KCNIP4: variants seen among roughly 807,000 people sequenced by gnomAD.
KCNIP4 encodes the protein Kv channel-interacting protein 4.
Under a neutral mutation model 34.0 loss-of-function variants are expected in KCNIP4, and 12 were observed. The observed-to-expected ratio is 0.35, with a 90% CI of 0.23 to 0.57. The LOEUF is 0.57. Ranked by LOEUF, KCNIP4 falls within the 20% of genes least tolerant of loss-of-function variation. The probability of loss-of-function intolerance (pLI) is 0.83; values close to 1 mark genes in which losing one functional copy is unlikely to be tolerated. For missense variants in KCNIP4, 238 were observed against 311.7 expected (o/e 0.76, Z 1.78); for synonymous variants, 124 against 102.2 (o/e 1.21, Z -1.29).
At chr4:21,173,390 G>A (rs1754158702) in intron 1 of KCNIP4, among the ~76,000 whole-genome samples, 1 of 152,190 alleles carries the variant, frequency 6.6e-6, no homozygotes, top group Middle Eastern at 3.4e-3. Flanking sequence ...TGAGCATATA[G>A]AGGCAGACCT....
intron 1 of KCNIP4, among the ~76,000 whole-genome samples, chr4:21,018,646 C>T (rs565942097): frequency 1.2e-3 from 176 of 152,244 alleles, no homozygotes; most frequent in African/African-American, 3.7e-3. Context: ...ACCAACTTCC[C>T]TTCCCCCTCT....
At position 21,567,328 on chromosome 4, in the gene KCNIP4, A is replaced by G. The variant is rs983610237; in HGVS notation, c.61+381243T>C. ...TGAAGCTAGGGGTGGCCAATGAGAT[A>G]TGAATGGAAGCCACTGGCTGATGTA... On this transcript the variant is annotated intron_variant, in intron 1 of 8. Transcript: ENST00000382152. Among the ~76,000 whole-genome samples, 5 of 151,990 alleles carry G rather than the reference A, an allele frequency of 3.3e-5. No homozygotes were observed. In the East Asian group the frequency reaches 9.7e-4, roughly 29 times the overall value.
rs79202016 is a variant in KCNIP4, at chr4:21,139,547, G to A, written c.62-256838C>T. On this transcript the variant is annotated intron_variant, in intron 1 of 8. Transcript: ENST00000382152. ...CAGCTCCTCAGGGATGGCTTCAGCT[G>A]TAGACGATTATCTTGCTGTGATCAC... 7.5e-4 allele frequency among the ~76,000 whole-genome samples: 114 copies of A among 152,262 alleles called. No homozygotes were observed. In the East Asian group the frequency reaches 0.021, roughly 28 times the overall value.
intron 1 of KCNIP4, among the ~76,000 whole-genome samples, chr4:20,965,452 G>A (rs1560606842): frequency 6.6e-6 from 1 of 152,108 alleles, no homozygotes; most frequent in Non-Finnish European, 1.5e-5. Context: ...AAGGTCTCAG[G>A]CCAGGCCTTC....
intron 1 of KCNIP4, among the ~76,000 whole-genome samples, chr4:21,346,254 T>G (rs868535759): frequency 8.1e-4 from 87 of 107,856 alleles, no homozygotes; most frequent in Middle Eastern, 4.1e-3. Flanking sequence ...ATTATATATA[T>G]AATTCTATAT....
At chr4:21,418,920 A>G (rs2109618320) in intron 1 of KCNIP4, among the ~76,000 whole-genome samples, 1 of 152,326 alleles carries the variant, frequency 6.6e-6, no homozygotes, top group African/African-American at 2.4e-5. Flanking sequence ...TGTAAAGTAG[A>G]ATGAGATTAT....
intron 1 of KCNIP4, among the ~76,000 whole-genome samples, chr4:21,487,366 G>A (rs1178105761): frequency 6.6e-6 from 1 of 152,150 alleles, no homozygotes; most frequent in East Asian, 1.9e-4. Flanking sequence ...GAAGATGAAT[G>A]CAGAAGAAAA....
chr4:21,483,329 T>C (rs1008332471), intron 1 of KCNIP4, among the ~76,000 whole-genome samples: 1 of 152,100 alleles, frequency 6.6e-6, no homozygotes, highest in African/African-American at 2.4e-5. Context: ...TTTGTTAATA[T>C]GGTTTGGATC....
In KCNIP4 at chr4:20,729,432, A is replaced by ATAAGTTTTATTAGGCATAT. The variant is rs1747211098; in HGVS notation, c.*631_*649dup. The ATAAGTTTTATTAGGCATAT allele has an allele frequency of 6.6e-6, 1 of 151,782 alleles. No homozygotes were observed. The highest frequency in any genetic ancestry group is 2.4e-5 in the African/African-American group (1 of 41,190). The allele number at this position is 151,782 out of a possible 1,614,324, so 9.4% of individuals were successfully genotyped here. On this transcript the variant is annotated 3_prime_UTR_variant, in exon 9 of 9. Transcript: ENST00000382152. Reference sequence around the variant, plus strand: ...TATGGAAAATTAAATGCTTATTAAAATAAGTTTTATTAGGCATATGCTGAT... The same window carrying ATAAGTTTTATTAGGCATAT: ...TATGGAAAATTAAATGCTTATTAAAATAAGTTTTATTAGGCATATTAAGTTTTATTAGGCATATGCTGAT...
chr4:20,851,830 TAAAATGCA>T (rs1721060060), intron 2 of KCNIP4, among the ~76,000 whole-genome samples: 1 of 152,198 alleles, frequency 6.6e-6, no homozygotes, highest in African/African-American at 2.4e-5. Context: ...GTGCCCTATG[TAAAATGCA>T]ACTACAAGAT....
intron 1 of KCNIP4, among the ~76,000 whole-genome samples, chr4:21,192,040 T>C (rs988269871): frequency 6.6e-6 from 1 of 152,210 alleles, no homozygotes; most frequent in African/African-American, 2.4e-5. Context: ...TGAATTGATT[T>C]TGAATCCTTT....
At chr4:20,960,536 T>C (rs1332005546) in intron 1 of KCNIP4, among the ~76,000 whole-genome samples, 1 of 152,168 alleles carries the variant, frequency 6.6e-6, no homozygotes, top group Non-Finnish European at 1.5e-5. Context: ...CCAGAAAATA[T>C]TTCACCTCAT....
At chr4:21,314,459 C>T (rs1163409677) in intron 1 of KCNIP4, among the ~76,000 whole-genome samples, 2 of 152,148 alleles carry the variant, frequency 1.3e-5, no homozygotes, top group East Asian at 1.9e-4. Flanking sequence ...GGTGTGCAAT[C>T]GTGAGGACTA....
intron 1 of KCNIP4, among the ~76,000 whole-genome samples, chr4:21,581,265 A>G (rs6849321): frequency 0.065 from 9,910 of 152,060 alleles, 475 homozygotes; most frequent in African/African-American, 0.13. Flanking sequence ...TTGACAACTT[A>G]AGAAATTCAC....
At position 20,843,733 on chromosome 4, in the gene KCNIP4, A is replaced by G. The variant is rs143489658; in HGVS notation, c.288+6810T>C. On this transcript the variant is annotated intron_variant, in intron 3 of 8. Coordinates refer to ENST00000382152, the MANE Select transcript of KCNIP4 (RefSeq NM_025221.6). ...TGACAGAGCGAGACTCCGTCTCAAG[A>G]AAACAAAACAAAACAAAACAAAAAA... Among the ~76,000 whole-genome samples the G allele has an allele frequency of 8.5e-3, 1,294 of 152,272 alleles. 10 individuals are homozygous for G. The highest frequency in any genetic ancestry group is 0.017 in the Middle Eastern group (5 of 294).
In KCNIP4 at chr4:21,300,981, T is replaced by C. The variant is rs74907542; in HGVS notation, c.62-418272A>G. Among the ~76,000 whole-genome samples the C allele has an allele frequency of 6.5e-3, 987 of 152,240 alleles. 10 individuals are homozygous for C. The highest frequency in any genetic ancestry group is 0.023 in the African/African-American group (941 of 41,566). On this transcript the variant is annotated intron_variant, in intron 1 of 8. Transcript: ENST00000382152. ...AAGCAAGAGAGTAGCAGAGGAGGCA[T>C]AAGCATTTGTGCTCCAACTACTATT...
intron 3 of KCNIP4, among the ~76,000 whole-genome samples, chr4:20,782,555 C>G (rs940738696): frequency 6.6e-6 from 1 of 152,170 alleles, no homozygotes; most frequent in Non-Finnish European, 1.5e-5. Flanking sequence ...AGGGCTTGCA[C>G]CCTCTGAAGC....
chr4:21,058,152 CT>C (rs1743586703), intron 1 of KCNIP4, among the ~76,000 whole-genome samples: 1 of 152,062 alleles, frequency 6.6e-6, no homozygotes, highest in African/African-American at 2.4e-5. Context: ...TCTTCTCTCT[CT>C]GATTAATCAA....
intron 1 of KCNIP4, among the ~76,000 whole-genome samples, chr4:21,519,520 A>ATG (rs1254479570): frequency 1.5e-4 from 9 of 60,966 alleles, no homozygotes; most frequent in African/African-American, 3.6e-4. Flanking sequence ...ATATACACAT[A>ATG]TGTGTGTATG....
Sources: allele counts gnomAD v4.1 joint callset (sites outside exome capture counted in the v4.1 genomes callset), GRCh38; gene constraint gnomAD v4.1.1; transcripts MANE v1.5; gene names NCBI Gene and HGNC (gene_info 2026-07-23, HGNC 2026-07-21).